Variants in IPMK observed in about 807,000 individuals in gnomAD.
IPMK encodes inositol polyphosphate multikinase.
In IPMK, 17 loss-of-function variants were observed where a neutral mutation model predicts 45.8. That is an observed-to-expected ratio of 0.37 (90% CI 0.25 to 0.56). The LOEUF (loss-of-function observed/expected upper bound fraction) is 0.56. Among genes scored for constraint, IPMK ranks in the 20% least tolerant of loss-of-function variants. The pLI is 0.79. For missense variants in IPMK, 399 were observed against 498.0 expected (o/e 0.80, Z 1.89); for synonymous variants, 180 against 184.3 (o/e 0.98, Z 0.19).
At chr10:58,251,551 T>C (rs1381421824) in intron 1 of IPMK, among the ~76,000 whole-genome samples, 1 of 152,170 alleles carries the variant, frequency 6.6e-6, no homozygotes, top group Non-Finnish European at 1.5e-5. Flanking sequence ...CCTATCTGGA[T>C]CATGTGTCTA....
chr10:58,208,293 G>A (rs146218495), intron 4 of IPMK, among the ~76,000 whole-genome samples: 9,226 of 152,106 alleles, frequency 0.061, 329 homozygotes, highest in African/African-American at 0.087. Flanking sequence ...TCCTTGAGTA[G>A]CTTAATAATC....
intron 1 of IPMK, among the ~76,000 whole-genome samples, chr10:58,242,584 C>T (rs6481383): frequency 0.49 from 74,060 of 151,880 alleles, 20,740 homozygotes; most frequent in African/African-American, 0.78. Flanking sequence ...AAGCTTTCTA[C>T]AGGCTCATCA....
chr10:58,219,945 T>A (rs773754659), intron 3 of IPMK, among the ~76,000 whole-genome samples: 1 of 152,228 alleles, frequency 6.6e-6, no homozygotes, highest in Non-Finnish European at 1.5e-5. Context: ...AGATAGAATG[T>A]CACTCTGTCA....
At chr10:58,224,836 C>A (rs899000478) in intron 3 of IPMK, among the ~76,000 whole-genome samples, 1 of 152,202 alleles carries the variant, frequency 6.6e-6, no homozygotes, top group African/African-American at 2.4e-5. Flanking sequence ...TAGTATTCTA[C>A]TACAACTCAA....
At chr10:58,263,456 G>A (rs1422709283) in intron 1 of IPMK, among the ~76,000 whole-genome samples, 2 of 151,834 alleles carry the variant, frequency 1.3e-5, no homozygotes, top group Non-Finnish European at 2.9e-5. Context: ...CCTGGGAGGC[G>A]GAGGTTGCAG....
chr10:58,244,332 G>A (rs1159496157), intron 1 of IPMK, among the ~76,000 whole-genome samples: 3 of 148,508 alleles, frequency 2.0e-5, no homozygotes, highest in Non-Finnish European at 4.5e-5. Flanking sequence ...TCTGGGAAGT[G>A]AGGAGCGCCT....
At position 58,209,114 on chromosome 10, in the gene IPMK, T is replaced by C. The variant is rs530193949; in HGVS notation, c.546+7031A>G. Among the ~76,000 whole-genome samples the C allele has an allele frequency of 2.6e-5, 4 of 152,342 alleles. No individual in the cohort carries two copies. In the East Asian group the frequency reaches 7.7e-4, roughly 29 times the overall value. The stretch of plus-strand genomic sequence containing the variant: ...AGGGAGTGATTGTGACTCTGCCTCT[T>C]GTGCAGGCCTGAATCTGGGGGGTGC... On this transcript the variant is annotated intron_variant, in intron 4 of 5. Transcript: ENST00000373935.
chr10:58,233,022 A>G (rs1838549119), intron 2 of IPMK, among the ~76,000 whole-genome samples: 2 of 152,242 alleles, frequency 1.3e-5, no homozygotes, highest in East Asian at 3.8e-4. Flanking sequence ...AATACAAACT[A>G]CCATCAGAGA....
chr10:58,264,364 T>C (rs1205645864), intron 1 of IPMK, among the ~76,000 whole-genome samples: 1 of 152,236 alleles, frequency 6.6e-6, no homozygotes, highest in Non-Finnish European at 1.5e-5. Context: ...AAGAGACTAC[T>C]AAGCCAAGAT....
intron 1 of IPMK, among the ~76,000 whole-genome samples, chr10:58,256,382 C>A (rs1315578284): frequency 6.6e-6 from 1 of 152,154 alleles, no homozygotes; most frequent in Non-Finnish European, 1.5e-5. Context: ...TGCCCTCAGG[C>A]TTGCTAGGAT....
chr10:58,213,288 T>C (rs1163353303), intron 4 of IPMK, among the ~76,000 whole-genome samples: 2 of 152,098 alleles, frequency 1.3e-5, no homozygotes, highest in Non-Finnish European at 2.9e-5. Context: ...CATTCATGAG[T>C]TATGTGTGTA....
intron 1 of IPMK, among the ~76,000 whole-genome samples, chr10:58,245,430 AG>A (rs1838782432): frequency 1.3e-5 from 2 of 151,866 alleles, no homozygotes; most frequent in Admixed American, 1.3e-4. Flanking sequence ...TGGCCATCAT[AG>A]TGGAACCCCG....
At chr10:58,253,555 C>G (rs934642757) in intron 1 of IPMK, among the ~76,000 whole-genome samples, 1 of 151,812 alleles carries the variant, frequency 6.6e-6, no homozygotes, top group Non-Finnish European at 1.5e-5. Flanking sequence ...CTGGGCAACA[C>G]AGTGAAACCC....
intron 1 of IPMK, among the ~76,000 whole-genome samples, chr10:58,249,695 G>A (rs1299150826): frequency 6.6e-6 from 1 of 152,094 alleles, no homozygotes; most frequent in Admixed American, 6.6e-5. Context: ...TAAGCTTTTT[G>A]GCTTGATGTA....
intron 2 of IPMK, among the ~76,000 whole-genome samples, chr10:58,235,719 G>C (rs566530226): frequency 2.0e-5 from 3 of 152,110 alleles, no homozygotes; most frequent in Non-Finnish European, 4.4e-5. Context: ...TAAATGACGA[G>C]TTGATGGGTG....
In IPMK at chr10:58,207,105, C is replaced by T. The variant is rs146601517; in HGVS notation, c.547-7784G>A. Among the ~76,000 whole-genome samples, 93 of 152,266 alleles carry T rather than the reference C, an allele frequency of 6.1e-4. 1 individual carries two copies. The highest frequency in any genetic ancestry group is 2.0e-3 in the African/African-American group (85 of 41,550). On this transcript the variant is annotated intron_variant, in intron 4 of 5. Transcript: ENST00000373935. ...GCAAACTCCGCCTCCTGGGTTCAAG[C>T]GATTCTCCTGCCTCAGCCTCCTGAG...
intron 4 of IPMK, among the ~76,000 whole-genome samples, chr10:58,210,528 T>C (rs917344462): frequency 4.6e-5 from 7 of 152,212 alleles, no homozygotes; most frequent in African/African-American, 1.7e-4. Context: ...TTTCACCCTG[T>C]GACTAGTCCC....
At chr10:58,237,424 C>A (rs1006815688) in intron 2 of IPMK, among the ~76,000 whole-genome samples, 1 of 152,156 alleles carries the variant, frequency 6.6e-6, no homozygotes. Context: ...CTTTATGAAA[C>A]CAACAGAGCA....
intron 3 of IPMK, 42 bp from the exon 4 acceptor site, chr10:58,216,359 A>C: frequency 1.1e-6 from 1 of 936,862 alleles, no homozygotes; most frequent in African/African-American, 1.7e-5. Flanking sequence ...AGGCAAACAT[A>C]TTACTACTCA....
Sources: gnomAD v4.1 joint callset for allele counts (sites outside exome capture counted in the v4.1 genomes callset) on GRCh38, gnomAD v4.1.1 for gene constraint, MANE v1.5 for transcripts, NCBI Gene and HGNC (gene_info 2026-07-23, HGNC 2026-07-21) for gene names.